Variants in RASGRF2 observed in about 807,000 individuals in gnomAD.
RASGRF2 encodes the protein Ras protein specific guanine nucleotide releasing factor 2.
RASGRF2 carries 76 observed loss-of-function variants against 151.0 expected under a neutral mutation model. That is an observed-to-expected ratio of 0.50 (90% CI 0.42 to 0.61). RASGRF2 has a LOEUF of 0.61. Ranked by LOEUF, RASGRF2 falls within the 20% of genes least tolerant of loss-of-function variation. The pLI is 0.00. For synonymous variants in RASGRF2, 504 were observed against 566.5 expected, an observed-to-expected ratio of 0.89 and a Z score of 1.57; for missense variants, 1,148 against 1,564.6, an observed-to-expected ratio of 0.73 and a Z score of 4.49.
At position 81,026,373 on chromosome 5, in the gene RASGRF2, T is replaced by G. The variant is rs1750033022; in HGVS notation, c.289-16504T>G. On this transcript the variant is annotated intron_variant, in intron 1 of 26. Transcript: ENST00000265080. ...TCTCCCTAGGGCCAAGACTCTGCAA[T>G]GTGTCCCCCAAGGAGCCTTTTTGCC... is the stretch of plus-strand genomic sequence containing the variant. Among the ~76,000 whole-genome samples the G allele has an allele frequency of 1.3e-5, 2 of 152,050 alleles. 1 individual carries two copies. The highest frequency in any genetic ancestry group is 4.1e-4 in the South Asian group (2 of 4,824).
intron 16 of RASGRF2, among the ~76,000 whole-genome samples, chr5:81,126,862 G>C (rs1026218650): frequency 6.6e-6 from 1 of 152,080 alleles, no homozygotes; most frequent in Non-Finnish European, 1.5e-5. Flanking sequence ...TCATGTACAC[G>C]TTTGTGTGTA....
At chr5:81,166,523 G>T (rs1279862558) in intron 17 of RASGRF2, among the ~76,000 whole-genome samples, 1 of 152,132 alleles carries the variant, frequency 6.6e-6, no homozygotes, top group Non-Finnish European at 1.5e-5. Context: ...GCCCTTGTCT[G>T]CTTACAGATA....
At chr5:81,123,846 T>C (rs1753381409) in intron 16 of RASGRF2, 79 bp downstream of exon 16, 2 of 1,443,678 alleles carry the variant, frequency 1.4e-6, no homozygotes, top group Non-Finnish European at 1.9e-6. Context: ...TGCCTAATTG[T>C]TTCACTGCCA....
intron 18 of RASGRF2, among the ~76,000 whole-genome samples, chr5:81,198,225 A>G (rs1379491248): frequency 6.6e-6 from 1 of 152,074 alleles, no homozygotes; most frequent in Non-Finnish European, 1.5e-5. Flanking sequence ...CAGATAGTGA[A>G]TATAGTATAC....
chr5:81,055,431 A>T (rs182214948), intron 2 of RASGRF2, among the ~76,000 whole-genome samples: 1 of 152,110 alleles, frequency 6.6e-6, no homozygotes, highest in Admixed American at 6.5e-5. Context: ...GATTACGTTT[A>T]TTGATTTTGG....
At chr5:80,966,326 A>C (rs988977491) in intron 1 of RASGRF2, among the ~76,000 whole-genome samples, 1 of 152,164 alleles carries the variant, frequency 6.6e-6, no homozygotes, top group Admixed American at 6.5e-5. Flanking sequence ...ATTACTCACA[A>C]TATAAATTCC....
At chr5:81,113,982 C>A in intron 15 of RASGRF2, 62 bp downstream of exon 15, 3 of 1,525,788 alleles carry the variant, frequency 2.0e-6, no homozygotes, top group South Asian at 1.3e-5. Flanking sequence ...CCTCCTCACC[C>A]TTCCTTTTGG....
intron 19 of RASGRF2, among the ~76,000 whole-genome samples, chr5:81,205,241 C>T (rs58452299): frequency 0.12 from 17,956 of 152,092 alleles, 1,193 homozygotes; most frequent in Middle Eastern, 0.15. Context: ...TTCAGACAGC[C>T]GAGGGAAGGG....
intron 18 of RASGRF2, among the ~76,000 whole-genome samples, chr5:81,193,440 C>T (rs1755192498): frequency 6.6e-6 from 1 of 152,174 alleles, no homozygotes; most frequent in African/African-American, 2.4e-5. Flanking sequence ...CCAGGCTCTG[C>T]AACTGTTTGA....
At chr5:80,979,142 A>G (rs1748220632) in intron 1 of RASGRF2, among the ~76,000 whole-genome samples, 2 of 152,216 alleles carry the variant, frequency 1.3e-5, no homozygotes, top group African/African-American at 2.4e-5. Flanking sequence ...TTTAGCTACT[A>G]TGATTAGGGT....
chr5:81,207,797 A>G (rs1755544351), intron 21 of RASGRF2, among the ~76,000 whole-genome samples: 1 of 152,170 alleles, frequency 6.6e-6, no homozygotes, highest in African/African-American at 2.4e-5. Flanking sequence ...TACAAGCCTA[A>G]AAGGAGCGCT....
intron 17 of RASGRF2, among the ~76,000 whole-genome samples, chr5:81,143,463 A>T (rs1370707474): frequency 6.6e-6 from 1 of 152,192 alleles, no homozygotes; most frequent in Non-Finnish European, 1.5e-5. Flanking sequence ...AAAAATACAA[A>T]TTTTTTAATA....
At position 81,146,056 on chromosome 5, in the gene RASGRF2, G is replaced by A. The variant is rs185641485; in HGVS notation, c.2686+18893G>A. Among the ~76,000 whole-genome samples the A allele has an allele frequency of 1.3e-3, 204 of 152,322 alleles. 1 individual carries two copies. Among genetic ancestry groups the A allele is most frequent in the African/African-American group, 4.6e-3 (193 of 41,578 alleles). ...GGGCTTATACTCAACCAAATGTTTT[G>A]AAATTGAGGGAGTATATTTGAAATT... is the stretch of plus-strand genomic sequence containing the variant. On this transcript the variant is annotated intron_variant, in intron 17 of 26. Transcript: ENST00000265080.
At position 81,204,094 on chromosome 5, in the gene RASGRF2, T is replaced by C. The variant is rs1755452870; in HGVS notation, c.2906+2652T>C. 3.9e-5 allele frequency: 6 copies of C among 152,338 alleles called. No homozygotes were observed. In the South Asian group the frequency reaches 1.2e-3, roughly 32 times the overall value. 9.4% of individuals were successfully genotyped at this position (152,338 alleles called of 1,614,324 possible). On this transcript the variant is annotated intron_variant, in intron 19 of 26. Coordinates refer to ENST00000265080, the MANE Select transcript of RASGRF2 (RefSeq NM_006909.3). ...CTTGGATAATCCCATTTCCTTTTAT[T>C]TGGTGTGTCATTATAAATGCACAAT...
intron 17 of RASGRF2, among the ~76,000 whole-genome samples, chr5:81,148,206 G>C (rs1754049256): frequency 6.6e-6 from 1 of 152,142 alleles, no homozygotes; most frequent in Non-Finnish European, 1.5e-5. Context: ...CTTACTCAAG[G>C]GCAGTTATAA....
At chr5:81,068,683 T>C (rs1751686495) in intron 3 of RASGRF2, among the ~76,000 whole-genome samples, 1 of 152,188 alleles carries the variant, frequency 6.6e-6, no homozygotes, top group South Asian at 2.1e-4. Context: ...AGGGTGCATT[T>C]TTCCCTGGAG....
At chr5:81,023,455 G>A (rs1749900878) in intron 1 of RASGRF2, among the ~76,000 whole-genome samples, 1 of 152,194 alleles carries the variant, frequency 6.6e-6, no homozygotes, top group Admixed American at 6.5e-5. Flanking sequence ...CCCCAGATCT[G>A]AGACAGATCT....
chr5:81,005,334 C>T (rs571345901), intron 1 of RASGRF2, among the ~76,000 whole-genome samples: 72 of 152,104 alleles, frequency 4.7e-4, no homozygotes, highest in Middle Eastern at 3.4e-3. Context: ...GAAATGCGAG[C>T]GAAGGTGGGG....
At chr5:80,972,225 G>C (rs1747961574) in intron 1 of RASGRF2, among the ~76,000 whole-genome samples, 1 of 152,154 alleles carries the variant, frequency 6.6e-6, no homozygotes, top group African/African-American at 2.4e-5. Context: ...TTGTTTCAAA[G>C]GGCATGCATA....
Sources: allele counts gnomAD v4.1 joint callset (sites outside exome capture counted in the v4.1 genomes callset), GRCh38; gene constraint gnomAD v4.1.1; transcripts MANE v1.5; gene names NCBI Gene and HGNC (gene_info 2026-07-23, HGNC 2026-07-21).